The following TXNRD2 variants were observed in gnomAD, a reference collection of about 807,000 sequenced individuals.
TXNRD2 encodes the protein thioredoxin reductase 2, mitochondrial.
Under a neutral mutation model 70.8 loss-of-function variants are expected in TXNRD2, and 67 were observed. The observed-to-expected ratio is 0.95, with a 90% CI of 0.78 to 1.16. The LOEUF is 1.16. Among genes scored for constraint, TXNRD2 ranks in the 50% most tolerant of loss-of-function variants. TXNRD2 has a pLI of 0.00. For missense variants in TXNRD2, 644 were observed against 719.9 expected (o/e 0.89, Z 1.21); for synonymous variants, 301 against 295.8 (o/e 1.02, Z -0.18).
intron 8 of TXNRD2, among the ~76,000 whole-genome samples, chr22:19,906,567 A>G (rs1940023849): frequency 6.6e-6 from 1 of 152,166 alleles, no homozygotes; most frequent in Non-Finnish European, 1.5e-5. Flanking sequence ...GGCTGCAGCG[A>G]GCCATGATCG....
intron 10 of TXNRD2, among the ~76,000 whole-genome samples, 198 bp downstream of exon 10, chr22:19,897,841 C>T (rs1284925148): frequency 6.6e-6 from 1 of 152,218 alleles, no homozygotes; most frequent in African/African-American, 2.4e-5. Context: ...CAGCTGTGCG[C>T]CCCACTGCCA....
chr22:19,885,794 C>G (rs1939002733), intron 11 of TXNRD2, among the ~76,000 whole-genome samples: 1 of 152,266 alleles, frequency 6.6e-6, no homozygotes, highest in South Asian at 2.1e-4. Flanking sequence ...CAAGAGCACT[C>G]ATCATGTTCC....
At chr22:19,897,197 C>T (rs137918837) in intron 10 of TXNRD2, among the ~76,000 whole-genome samples, 10 of 152,284 alleles carry the variant, frequency 6.6e-5, no homozygotes, top group Middle Eastern at 3.4e-3. Flanking sequence ...TGGAGGGACA[C>T]GTCTCTGAGT....
In TXNRD2 at chr22:19,911,366, G is replaced by C. The variant is rs373734411; in HGVS notation, c.662+11C>G. 120 of 1,611,040 alleles carry C rather than the reference G, an allele frequency of 7.4e-5. No individual in the cohort carries two copies. In the African/African-American group the frequency reaches 1.4e-3, roughly 18 times the overall value. ...AAAAAGAGGACCCCACCAAGCACGC[G>C]CAGGCCTTACGTTTTTCCAGGGGAT... is the stretch of plus-strand genomic sequence containing the variant. On this transcript the variant is annotated intron_variant, in intron 8 of 17. Coordinates refer to ENST00000400521, the MANE Select transcript of TXNRD2 (RefSeq NM_006440.5).
intron 8 of TXNRD2, among the ~76,000 whole-genome samples, chr22:19,906,945 A>G (rs1258572027): frequency 6.8e-4 from 30 of 44,252 alleles, no homozygotes; most frequent in East Asian, 1.3e-3. Flanking sequence ...TGGGCACCGT[A>G]AGTAGCAGTG....
chr22:19,877,018 A>C, intron 17 of TXNRD2, 22 bp downstream of exon 17: 1 of 1,484,756 alleles, frequency 6.7e-7, no homozygotes, highest in South Asian at 1.3e-5. Context: ...GTCCTCAAAC[A>C]GAGCCAGCCC....
intron 1 of TXNRD2, among the ~76,000 whole-genome samples, chr22:19,931,804 A>G (rs1199982299): frequency 6.6e-6 from 1 of 152,060 alleles, no homozygotes; most frequent in African/African-American, 2.4e-5. Context: ...AGGTGGACTA[A>G]AACATTCTCA....
At chr22:19,900,942 G>A (rs1389951012) in intron 8 of TXNRD2, among the ~76,000 whole-genome samples, 1 of 152,232 alleles carries the variant, frequency 6.6e-6, no homozygotes, top group East Asian at 1.9e-4. Flanking sequence ...GGCACTGGCA[G>A]AGTGAGGCCA....
intron 9 of TXNRD2, among the ~76,000 whole-genome samples, chr22:19,898,490 T>G (rs1939621027): frequency 6.7e-6 from 1 of 148,794 alleles, no homozygotes. Context: ...CCACCTGTGC[T>G]CTCAGCCAGC....
chr22:19,910,660 G>A (rs993687820), intron 8 of TXNRD2, among the ~76,000 whole-genome samples: 3 of 152,160 alleles, frequency 2.0e-5, no homozygotes, highest in Admixed American at 6.5e-5. Context: ...CAGGCTGAGC[G>A]CAGTGGTGCA....
At chr22:19,917,175 G>A (rs1569100312) in intron 5 of TXNRD2, among the ~76,000 whole-genome samples, 1 of 152,216 alleles carries the variant, frequency 6.6e-6, no homozygotes, top group African/African-American at 2.4e-5. Flanking sequence ...TCCTTCTGCA[G>A]GTGGCTCCGG....
intron 1 of TXNRD2, chr22:19,938,169 T>TTAG (rs1428867863): frequency 3.9e-5 from 6 of 152,158 alleles, no homozygotes; most frequent in African/African-American, 1.2e-4. Flanking sequence ...GGGCCTGGTG[T>TTAG]TAGGCAGGGC....
At chr22:19,909,518 TCACA>T (rs1254905511) in intron 8 of TXNRD2, among the ~76,000 whole-genome samples, 3 of 95,318 alleles carry the variant, frequency 3.1e-5, no homozygotes, top group South Asian at 3.6e-4. Context: ...CACACACCAC[TCACA>T]CACACACACC....
intron 11 of TXNRD2, chr22:19,894,292 G>GT (rs1569079794): frequency 6.6e-6 from 1 of 152,264 alleles, no homozygotes. Context: ...ACAGAGCTCA[G>GT]TTTGGAGATA....
Position 19,905,911 on chromosome 22 carries a change from G to T in TXNRD2, c.662+5466C>A, listed in dbSNP as rs1939989446. Among the ~76,000 whole-genome samples, 5 of 116,590 alleles carry T rather than the reference G, an allele frequency of 4.3e-5. No homozygotes were observed. The Admixed American group carries it at 4.7e-4, about 11-fold the overall frequency. The allele number at this position is 116,590 out of a possible 152,430, so 76.5% of individuals were successfully genotyped here. On this transcript the variant is annotated intron_variant, in intron 8 of 17. Transcript: ENST00000400521. Reference sequence around the variant, plus strand: ...TGGACGCCCATAAGGAAAATACAGGGCTTAAAAAAAAAAAAAAAAAATCTT... The same window carrying T: ...TGGACGCCCATAAGGAAAATACAGGTCTTAAAAAAAAAAAAAAAAAATCTT...
intron 16 of TXNRD2, 46 bp downstream of exon 16, chr22:19,878,044 T>C: frequency 6.5e-7 from 1 of 1,526,944 alleles, no homozygotes; most frequent in Non-Finnish European, 9.0e-7. Flanking sequence ...ACTCGAGGGA[T>C]ACCCAGCTGC....
intron 8 of TXNRD2, among the ~76,000 whole-genome samples, chr22:19,903,323 C>T (rs1042425453): frequency 6.6e-6 from 1 of 152,256 alleles, no homozygotes. Flanking sequence ...GTCTCATTCA[C>T]GCCCTCGGCC....
chr22:19,898,679 C>T (rs942703375), intron 9 of TXNRD2, among the ~76,000 whole-genome samples: 2 of 152,108 alleles, frequency 1.3e-5, no homozygotes, highest in African/African-American at 4.8e-5. Context: ...CGCGCCCGGC[C>T]AGGGACTTTC....
At chr22:19,905,969 A>C (rs1240435882) in intron 8 of TXNRD2, among the ~76,000 whole-genome samples, 4 of 152,158 alleles carry the variant, frequency 2.6e-5, no homozygotes, top group Non-Finnish European at 4.4e-5. Context: ...AACATGCAAT[A>C]AATCAAAAAG....
Sources: allele counts gnomAD v4.1 joint callset (sites outside exome capture counted in the v4.1 genomes callset), GRCh38; gene constraint gnomAD v4.1.1; transcripts MANE v1.5; gene names NCBI Gene and HGNC (gene_info 2026-07-23, HGNC 2026-07-21).